The following ZBTB7C variants were observed in gnomAD, a reference collection of about 807,000 sequenced individuals.
ZBTB7C encodes the protein zinc finger and BTB domain-containing protein 7C.
ZBTB7C carries 8 observed loss-of-function variants against 25.7 expected under a neutral mutation model. That is an observed-to-expected ratio of 0.31 (90% CI 0.18 to 0.56). ZBTB7C has a LOEUF of 0.56. Ranked by LOEUF, ZBTB7C falls within the 20% of genes least tolerant of loss-of-function variation. The pLI, the probability that ZBTB7C is intolerant of heterozygous loss-of-function variation, is 0.91. For missense variants in ZBTB7C, 824 were observed against 855.2 expected (o/e 0.96, Z 0.46); for synonymous variants, 394 against 369.0 (o/e 1.07, Z -0.78).
intron 2 of ZBTB7C, among the ~76,000 whole-genome samples, chr18:48,316,015 A>T (rs1390730838): frequency 3.3e-5 from 5 of 152,114 alleles, no homozygotes; most frequent in Non-Finnish European, 7.4e-5. Flanking sequence ...TCAACTCTCC[A>T]GCCCTAGAGA....
chr18:48,097,495 C>A (rs959695242), intron 3 of ZBTB7C, among the ~76,000 whole-genome samples: 15 of 152,048 alleles, frequency 9.9e-5, no homozygotes, highest in Non-Finnish European at 1.3e-4. Context: ...CTCCTGGGTT[C>A]AAGGCATTCT....
At chr18:48,060,728 A>G (rs1442233952) in intron 3 of ZBTB7C, among the ~76,000 whole-genome samples, 2 of 152,026 alleles carry the variant, frequency 1.3e-5, no homozygotes. Context: ...TCATGTTCCC[A>G]TCCTTCCCTC....
chr18:48,136,251 C>T (rs926032396), intron 3 of ZBTB7C, among the ~76,000 whole-genome samples: 2 of 152,190 alleles, frequency 1.3e-5, no homozygotes, highest in African/African-American at 4.8e-5. Flanking sequence ...TCCTTTTGCG[C>T]CACCCACACC....
intron 1 of ZBTB7C, among the ~76,000 whole-genome samples, chr18:48,389,248 T>TC (rs1487930992): frequency 5.5e-5 from 8 of 144,640 alleles, no homozygotes; most frequent in African/African-American, 1.9e-4. Flanking sequence ...TGTGTGTGTG[T>TC]GTGTGTGTGT....
At chr18:48,100,154 C>A (rs1350797459) in intron 3 of ZBTB7C, among the ~76,000 whole-genome samples, 3 of 152,216 alleles carry the variant, frequency 2.0e-5, no homozygotes, top group Admixed American at 6.5e-5. Context: ...CAAGTGCTCC[C>A]TTTTCTACTT....
intron 1 of ZBTB7C, among the ~76,000 whole-genome samples, chr18:48,366,701 C>T (rs1383068099): frequency 1.3e-5 from 2 of 152,152 alleles, no homozygotes; most frequent in African/African-American, 2.4e-5. Context: ...AAATGGTGCT[C>T]GTGCTCAAAC....
chr18:48,295,742 AGGT>A (rs1465269542), intron 2 of ZBTB7C, among the ~76,000 whole-genome samples: 1 of 152,140 alleles, frequency 6.6e-6, no homozygotes, highest in East Asian at 1.9e-4. Context: ...CTGAAACTCT[AGGT>A]GGCAGGCCTG....
chr18:48,112,443 G>A (rs539825200), intron 3 of ZBTB7C, among the ~76,000 whole-genome samples: 61 of 151,972 alleles, frequency 4.0e-4, no homozygotes, highest in African/African-American at 1.4e-3. Context: ...GCCCTCCTGG[G>A]TTCAAGCGAT....
intron 1 of ZBTB7C, among the ~76,000 whole-genome samples, chr18:48,350,360 C>T (rs2046836595): frequency 6.6e-6 from 1 of 152,212 alleles, no homozygotes; most frequent in Non-Finnish European, 1.5e-5. Flanking sequence ...CATAGCATCT[C>T]TCTGAAGGTT....
chr18:48,119,961 A>C (rs6507816), intron 3 of ZBTB7C, among the ~76,000 whole-genome samples: 129,511 of 152,062 alleles, frequency 0.85, 55,309 homozygotes, highest in African/African-American at 0.9. Flanking sequence ...GGACAGACTG[A>C]AGAGGGTCCC....
intron 2 of ZBTB7C, among the ~76,000 whole-genome samples, chr18:48,271,516 T>A (rs1267207548): frequency 6.8e-6 from 1 of 146,628 alleles, no homozygotes; most frequent in Non-Finnish European, 1.5e-5. Context: ...GTATTTTATA[T>A]ATAGCATATA....
intron 1 of ZBTB7C, among the ~76,000 whole-genome samples, chr18:48,403,681 G>A (rs1036823009): frequency 2.0e-5 from 3 of 152,118 alleles, no homozygotes; most frequent in Admixed American, 6.5e-5. Context: ...AACAAAAGGA[G>A]AATCAAGATT....
At chr18:48,352,319 T>C (rs2046882462) in intron 1 of ZBTB7C, among the ~76,000 whole-genome samples, 1 of 152,218 alleles carries the variant, frequency 6.6e-6, no homozygotes, top group African/African-American at 2.4e-5. Context: ...CAGTGTCACC[T>C]GCCAGCTTAT....
At chr18:48,081,453 T>C (rs2037980363) in intron 3 of ZBTB7C, among the ~76,000 whole-genome samples, 1 of 110,470 alleles carries the variant, frequency 9.1e-6, no homozygotes, top group Admixed American at 8.1e-5. Context: ...CTTTTTCTTT[T>C]TCTTTTTCTT....
chr18:48,334,168 G>A (rs1459907304), intron 2 of ZBTB7C, among the ~76,000 whole-genome samples: 2 of 152,120 alleles, frequency 1.3e-5, no homozygotes, highest in East Asian at 1.9e-4. Context: ...CAATAATCTA[G>A]GTGGATTCCA....
chr18:48,041,473 C>A (rs551182638), intron 3 of ZBTB7C: 4 of 985,288 alleles, frequency 4.1e-6, no homozygotes, highest in Non-Finnish European at 4.8e-6. Flanking sequence ...GCCTCATGAA[C>A]CTAGCTGTTG....
In ZBTB7C at chr18:48,133,601, A is replaced by ATT. The variant is rs10578146; in HGVS notation, c.-17+52331_-17+52332dup. Among the ~76,000 whole-genome samples the ATT allele has an allele frequency of 6.7e-3, 963 of 143,058 alleles. 7 individuals carry two copies. The highest frequency in any genetic ancestry group is 0.01 in the Non-Finnish European group (676 of 64,722). 93.9% of individuals were successfully genotyped at this position (143,058 alleles called of 152,430 possible). On this transcript the variant is annotated intron_variant, in intron 3 of 4. Coordinates refer to ENST00000590800, the MANE Select transcript of ZBTB7C (RefSeq NM_001318841.2). Reference sequence around the variant, plus strand: ...TGTGTCATCACACATTCCCCACGCTATTTTTTTTTTTTTTTGCTAAGTCAT... The same window carrying ATT: ...TGTGTCATCACACATTCCCCACGCTATTTTTTTTTTTTTTTTTGCTAAGTCAT...
intron 1 of ZBTB7C, among the ~76,000 whole-genome samples, chr18:48,387,529 T>A (rs994325458): frequency 6.6e-6 from 1 of 152,188 alleles, no homozygotes; most frequent in African/African-American, 2.4e-5. Flanking sequence ...CTACCATGAA[T>A]CTCTTCCCTG....
intron 1 of ZBTB7C, among the ~76,000 whole-genome samples, chr18:48,373,684 G>A (rs1426591255): frequency 2.0e-5 from 3 of 152,130 alleles, no homozygotes; most frequent in Admixed American, 6.5e-5. Context: ...TCTGTGGGCC[G>A]GGCACTATGG....
Sources: allele counts gnomAD v4.1 joint callset (sites outside exome capture counted in the v4.1 genomes callset), GRCh38; gene constraint gnomAD v4.1.1; transcripts MANE v1.5; gene names NCBI Gene and HGNC (gene_info 2026-07-23, HGNC 2026-07-21).